Variants in TSNARE1 observed in about 807,000 individuals in gnomAD.
TSNARE1 encodes t-SNARE domain-containing protein 1.
A neutral mutation model predicts 62.0 loss-of-function variants in TSNARE1; 49 were observed. The observed-to-expected ratio is 0.79, with a 90% CI of 0.63 to 1.00. The LOEUF is 1.00. Ranked by LOEUF, TSNARE1 falls within the 50% of genes least tolerant of loss-of-function variation. TSNARE1 has a pLI of 0.00. For missense variants in TSNARE1, 755 were observed against 700.1 expected (o/e 1.08, Z -0.88); for synonymous variants, 328 against 294.4 (o/e 1.11, Z -1.17).
chr8:142,302,603 C>A (rs1417028227), intron 9 of TSNARE1, among the ~76,000 whole-genome samples: 2 of 152,184 alleles, frequency 1.3e-5, no homozygotes, highest in African/African-American at 4.8e-5. Context: ...AATCAACGTC[C>A]TCTCCCAGGT....
chr8:142,352,329 G>A lies in TSNARE1; in HGVS notation c.88+2308C>T, dbSNP rs1023536177. On this transcript the variant is annotated intron_variant, in intron 2 of 13. Transcript: ENST00000524325. ...GAGAAACATCCTTCCAACCAGAGAG[G>A]ACAAGCCACACCCACCAGGCTGGCA... Among the ~76,000 whole-genome samples the A allele has an allele frequency of 1.8e-4, 27 of 152,368 alleles. No individual in the cohort carries two copies. The South Asian group carries it at 4.3e-3, about 25-fold the overall frequency.
In TSNARE1 at chr8:142,331,838, G is replaced by C. The variant is rs1040397359; in HGVS notation, c.746-7C>G. On this transcript the variant is annotated splice_polypyrimidine_tract_variant and splice_region_variant and intron_variant, in intron 4 of 13. Coordinates refer to ENST00000524325, the MANE Select transcript of TSNARE1 (RefSeq NM_145003.5). ...CACGGATCGACCTGGGTGGCTGGGAGAAGACAGGGAGGAGGAAAGAACACA... is the reference window on the plus strand; with the variant it reads ...CACGGATCGACCTGGGTGGCTGGGACAAGACAGGGAGGAGGAAAGAACACA... The C allele has an allele frequency of 6.2e-7, 1 of 1,605,498 alleles. No homozygotes were observed. Among genetic ancestry groups the C allele is most frequent in the Non-Finnish European group, 8.5e-7 (1 of 1,176,118 alleles).
intron 12 of TSNARE1, among the ~76,000 whole-genome samples, chr8:142,251,327 G>A (rs73364667): frequency 2.4e-5 from 3 of 123,682 alleles, no homozygotes; most frequent in Non-Finnish European, 3.3e-5. Context: ...TGAGAACCCC[G>A]CCCCCCTCCC....
At position 142,362,083 on chromosome 8, in the gene TSNARE1, A is replaced by G. The variant is rs544113338; in HGVS notation, c.-39-7320T>C. Among the ~76,000 whole-genome samples, 917 of 152,326 alleles carry G rather than the reference A, an allele frequency of 6.0e-3. 10 individuals are homozygous for G. Among genetic ancestry groups the G allele is most frequent in the African/African-American group, 0.021 (860 of 41,584 alleles). ...AGCTGCCCACCAGGAGCCCCCATGG[A>G]TGGCCACGCTGCAGCTCCTCTGCCG... On this transcript the variant is annotated intron_variant, in intron 1 of 13. Transcript: ENST00000524325.
At chr8:142,238,091 C>A (rs1487836091) in intron 12 of TSNARE1, among the ~76,000 whole-genome samples, 1 of 152,118 alleles carries the variant, frequency 6.6e-6, no homozygotes, top group African/African-American at 2.4e-5. Context: ...TGTCAGGCAT[C>A]CTGGTGACTG....
chr8:142,256,545 C>G (rs912354268), intron 12 of TSNARE1, among the ~76,000 whole-genome samples: 1 of 135,570 alleles, frequency 7.4e-6, no homozygotes, highest in Non-Finnish European at 1.6e-5. Context: ...ACCATCACCA[C>G]CATCACCATC....
At chr8:142,220,397 A>G (rs1438383052) in intron 13 of TSNARE1, among the ~76,000 whole-genome samples, 1 of 152,146 alleles carries the variant, frequency 6.6e-6, no homozygotes, top group Non-Finnish European at 1.5e-5. Context: ...TCCTCAGGGC[A>G]AACTCCATCT....
chr8:142,330,783 G>T, intron 6 of TSNARE1, 118 bp downstream of exon 6: 1 of 982,100 alleles, frequency 1.0e-6, no homozygotes, highest in Non-Finnish European at 1.6e-6. Context: ...TGTCCAGGCA[G>T]CTGTGCGCAA....
intron 13 of TSNARE1, among the ~76,000 whole-genome samples, chr8:142,222,691 CTCA>C (rs1816420893): frequency 9.0e-6 from 1 of 111,348 alleles, no homozygotes; most frequent in Non-Finnish European, 1.9e-5. Context: ...CATCCACTCA[CTCA>C]CTCATCCACT....
chr8:142,284,064 G>A (rs1822251711), intron 11 of TSNARE1, among the ~76,000 whole-genome samples: 1 of 137,816 alleles, frequency 7.3e-6, no homozygotes, highest in South Asian at 2.7e-4. Context: ...CCAATGAGCA[G>A]AGTGGGGGCT....
chr8:142,380,108 G>T (rs1488056066), intron 1 of TSNARE1, among the ~76,000 whole-genome samples: 1 of 152,198 alleles, frequency 6.6e-6, no homozygotes, highest in African/African-American at 2.4e-5. Context: ...TGGACACCAA[G>T]GCCAAGCTTT....
At chr8:142,310,065 T>C (rs995812993) in intron 9 of TSNARE1, among the ~76,000 whole-genome samples, 1 of 152,216 alleles carries the variant, frequency 6.6e-6, no homozygotes, top group Non-Finnish European at 1.5e-5. Flanking sequence ...TAATGATCTA[T>C]CCATTTTCAT....
At chr8:142,400,388 G>C (rs1039737985) in intron 1 of TSNARE1, among the ~76,000 whole-genome samples, 9 of 151,116 alleles carry the variant, frequency 6.0e-5, no homozygotes, top group African/African-American at 1.7e-4. Context: ...AGAGGTTGCA[G>C]TGAACCAAGA....
At chr8:142,385,421 A>G (rs1382084371) in intron 1 of TSNARE1, among the ~76,000 whole-genome samples, 2 of 152,252 alleles carry the variant, frequency 1.3e-5, no homozygotes, top group Non-Finnish European at 1.5e-5. Flanking sequence ...ACGACTGTCA[A>G]TGAGCATGAA....
intron 12 of TSNARE1, chr8:142,270,398 A>C: frequency 1.0e-6 from 1 of 985,394 alleles, no homozygotes. Flanking sequence ...TTTTATGCTT[A>C]TGTAAAAAAA....
At chr8:142,370,050 T>C (rs1291895938) in intron 1 of TSNARE1, among the ~76,000 whole-genome samples, 1 of 152,116 alleles carries the variant, frequency 6.6e-6, no homozygotes, top group Non-Finnish European at 1.5e-5. Context: ...AGTGCCCTTA[T>C]AAATAAGACC....
intron 1 of TSNARE1, among the ~76,000 whole-genome samples, chr8:142,391,351 CTG>C (rs1422662561): frequency 2.0e-5 from 3 of 150,188 alleles, no homozygotes; most frequent in South Asian, 2.1e-4. Flanking sequence ...GCTGGGGACT[CTG>C]TAACAGACGC....
intron 2 of TSNARE1, among the ~76,000 whole-genome samples, chr8:142,351,369 C>T (rs975238668): frequency 6.6e-5 from 10 of 152,302 alleles, no homozygotes; most frequent in African/African-American, 2.4e-4. Flanking sequence ...AATGGTACCA[C>T]TTACAACAGC....
intron 4 of TSNARE1, among the ~76,000 whole-genome samples, chr8:142,343,437 T>C (rs921171037): frequency 1.3e-5 from 2 of 151,746 alleles, no homozygotes. Context: ...TGCCTGATTC[T>C]CGGTGTGTGT....
Sources: allele counts gnomAD v4.1 joint callset (sites outside exome capture counted in the v4.1 genomes callset), GRCh38; gene constraint gnomAD v4.1.1; transcripts MANE v1.5; gene names NCBI Gene and HGNC (gene_info 2026-07-23, HGNC 2026-07-21).